The following STKLD1 variants were observed in gnomAD, a reference collection of about 807,000 sequenced individuals.
STKLD1 encodes serine/threonine kinase-like domain-containing protein STKLD1.
STKLD1 carries 79 observed loss-of-function variants against 80.4 expected under a neutral mutation model. The ratio of observed to expected loss-of-function variants is 0.98; its 90% CI spans 0.82 to 1.19. STKLD1 has a LOEUF of 1.19. Among genes scored for constraint, STKLD1 ranks in the 50% most tolerant of loss-of-function variants. The pLI is 0.00. For synonymous variants in STKLD1, 393 were observed against 357.6 expected (o/e 1.10, Z -1.12); for missense variants, 841 against 856.0 (o/e 0.98, Z 0.22).
At chr9:133,383,620 GGTA>G (rs1159597006) in intron 2 of STKLD1, among the ~76,000 whole-genome samples, 13 of 63,390 alleles carry the variant, frequency 2.1e-4, no homozygotes, top group Admixed American at 2.0e-3. Context: ...TGGTGGTAAT[GGTA>G]GTGGTGGTGG....
chr9:133,402,534 C>G (rs961596612), intron 13 of STKLD1, among the ~76,000 whole-genome samples: 5 of 152,242 alleles, frequency 3.3e-5, no homozygotes, highest in African/African-American at 1.2e-4. Flanking sequence ...TCAGTTCATC[C>G]TACCGGGATA....
intron 7 of STKLD1, among the ~76,000 whole-genome samples, chr9:133,393,028 G>A (rs944320551): frequency 5.4e-5 from 7 of 130,052 alleles, no homozygotes; most frequent in Admixed American, 3.9e-4. Flanking sequence ...GGGTGTATGG[G>A]CAGATGGGTG....
At chr9:133,382,950 TTGATGGTGTGATGGTGG>T (rs1263175309) in intron 2 of STKLD1, among the ~76,000 whole-genome samples, 1,774 of 148,306 alleles carry the variant, frequency 0.012, 26 homozygotes, top group African/African-American at 0.034. Context: ...GACAGTGGTG[TTGATGGTGTGATGGTGG>T]TGATGGTGTG....
Position 133,397,238 on chromosome 9 carries a change from T to A in STKLD1, c.941T>A (p.Met314Lys), listed in dbSNP as rs901747111. Residue 314 changes from methionine to lysine, a missense_variant, in exon 10 of 18, where the codon ATG (methionine) becomes AAG (lysine). Met to Lys is a moderately conservative substitution (Grantham distance 95). Coordinates refer to ENST00000371957, the MANE Select transcript of STKLD1 (RefSeq NM_153710.5). ...SCVSLTLHRQ[M>K]VPASITDMLL... ...GTCTCTCTGACCCTGCACCGGCAGA[T>A]GGTGCCTGCGTCCATCACCGACATG... 2 of 1,613,926 alleles carry A rather than the reference T, an allele frequency of 1.2e-6. No homozygotes were observed. The highest frequency in any genetic ancestry group is 4.5e-5 in the East Asian group (2 of 44,876).
chr9:133,378,107 G>C (rs1006320532), intron 1 of STKLD1, among the ~76,000 whole-genome samples: 2 of 152,182 alleles, frequency 1.3e-5, no homozygotes, highest in African/African-American at 4.8e-5. Context: ...ATGAAGCTTT[G>C]CTCCACTGCC....
Position 133,403,784 on chromosome 9 carries a change from T to C in STKLD1, c.1559T>C (p.Met520Thr), listed in dbSNP as rs146698200. ...VLATYPADGE[M>T]AEASCGVFWL... ...GCCACCTACCCTGCGGATGGGGAAA[T>C]GGCAGAAGCCAGCTGCGGAGTCTTC... Residue 520 changes from methionine to threonine, a missense_variant, in exon 15 of 18, where the codon ATG becomes ACG. Coordinates refer to ENST00000371957, the MANE Select transcript of STKLD1 (RefSeq NM_153710.5). The C allele has an allele frequency of 1.4e-5, 22 of 1,613,678 alleles. No homozygotes were observed. Among genetic ancestry groups the C allele is most frequent in the South Asian group, 2.2e-5 (2 of 91,082 alleles).
At chr9:133,383,634 TGTG>T (rs1223701645) in intron 2 of STKLD1, among the ~76,000 whole-genome samples, 9 of 70,660 alleles carry the variant, frequency 1.3e-4, no homozygotes, top group Non-Finnish European at 2.2e-4. Flanking sequence ...GTGGTGGTGG[TGTG>T]ATGATGGTGA....
intron 15 of STKLD1, 43 bp downstream of exon 15, chr9:133,403,871 T>C: frequency 6.2e-7 from 1 of 1,610,940 alleles, no homozygotes; most frequent in East Asian, 2.2e-5. Flanking sequence ...CTGGGAGGGG[T>C]GGGCCTCATG....
chr9:133,395,915 G>A (rs1467967719), intron 9 of STKLD1, 152 bp downstream of exon 9: 2 of 791,878 alleles, frequency 2.5e-6, no homozygotes, highest in East Asian at 5.4e-5. Context: ...GCTTTGCCCA[G>A]TTCTGGCTCT....
chr9:133,400,971 G>A (rs1018310554), intron 12 of STKLD1, among the ~76,000 whole-genome samples: 2 of 152,202 alleles, frequency 1.3e-5, no homozygotes, highest in African/African-American at 4.8e-5. Context: ...CCTCAGGGAG[G>A]ATGGGTTGTG....
In STKLD1 at chr9:133,400,610, C is replaced by T. The variant is rs1838678097; in HGVS notation, c.1198+81C>T. The T allele has an allele frequency of 3.3e-6, 4 of 1,197,854 alleles. No individual in the cohort carries two copies. The Admixed American group carries it at 5.1e-5, about 15-fold the overall frequency. 74.2% of individuals were successfully genotyped at this position (1,197,854 alleles called of 1,614,324 possible). A position where few individuals can be genotyped will look rare whatever the true frequency, so the allele number is the denominator to read the frequency against. Reference sequence around the variant, plus strand: ...GCTGTGCCTCCTGGGCCAAGGTGGGCACCGGGCCGGGTGGGTTAGGGGAAG... The same window carrying T: ...GCTGTGCCTCCTGGGCCAAGGTGGGTACCGGGCCGGGTGGGTTAGGGGAAG... On this transcript the variant is annotated intron_variant, in intron 12 of 17. Coordinates refer to ENST00000371957, the MANE Select transcript of STKLD1 (RefSeq NM_153710.5).
At chr9:133,382,587 G>A (rs1328611895) in intron 2 of STKLD1, among the ~76,000 whole-genome samples, 1 of 151,462 alleles carries the variant, frequency 6.6e-6, no homozygotes, top group Non-Finnish European at 1.5e-5. Flanking sequence ...TCATGGTGAT[G>A]GTGTGATGAT....
In STKLD1 at chr9:133,376,485, A is replaced by G. The variant is rs972338226; in HGVS notation, c.12A>G (p.Pro4=). 7 of 1,592,794 alleles carry G rather than the reference A, an allele frequency of 4.4e-6. No homozygotes were observed. The Admixed American group carries it at 5.3e-5, about 12-fold the overall frequency. ...GGTCGCTACTGATCATGCTTGGGCCAGGGTCCAATCGCAGGCGCCCCACGC... is the reference window on the plus strand; with the variant it reads ...GGTCGCTACTGATCATGCTTGGGCCGGGGTCCAATCGCAGGCGCCCCACGC... The part of the protein sequence containing the change: MLG[P]GSNRRRPTQG... Residue 4 remains proline (P), a synonymous_variant, in exon 1 of 18, where the codon CCA becomes CCG. Coordinates refer to ENST00000371957, the MANE Select transcript of STKLD1 (RefSeq NM_153710.5).
chr9:133,383,287 T>TTG, intron 2 of STKLD1, among the ~76,000 whole-genome samples: 1 of 54,854 alleles, frequency 1.8e-5, no homozygotes, highest in African/African-American at 8.5e-5. Context: ...GGTGGTGGTG[T>TTG]GATGATGTGA....
At chr9:133,401,622 C>A in intron 12 of STKLD1, 116 bp from the exon 13 acceptor site, 4 of 1,319,420 alleles carry the variant, frequency 3.0e-6, no homozygotes, top group Non-Finnish European at 3.1e-6. Context: ...CAAGGCAGAC[C>A]TCGGTTTCCT....
chr9:133,398,099 G>A lies in STKLD1; in HGVS notation c.1081+44G>A, dbSNP rs1206270783. 5 of 1,586,832 alleles carry A rather than the reference G, an allele frequency of 3.2e-6. No individual in the cohort carries two copies. In the African/African-American group the frequency reaches 4.0e-5, roughly 13 times the overall value. On this transcript the variant is annotated intron_variant, in intron 11 of 17. Transcript: ENST00000371957. ...CCCTTTCCCAGCTGCTCCCCTAGGG[G>A]CAGAAGCTATGGTCCGGCCTGTGGG...
chr9:133,378,592 G>A (rs1437488723), intron 1 of STKLD1, among the ~76,000 whole-genome samples: 1 of 152,282 alleles, frequency 6.6e-6, no homozygotes, highest in South Asian at 2.1e-4. Flanking sequence ...GGGTGGCTGT[G>A]AAGTGCTTGG....
chr9:133,387,849 G>A (rs2130281034), intron 5 of STKLD1: 1 of 520,640 alleles, frequency 1.9e-6, no homozygotes, highest in East Asian at 5.0e-5. Flanking sequence ...TCCTGTAAAT[G>A]GACTCGTCCG....
intron 2 of STKLD1, among the ~76,000 whole-genome samples, chr9:133,383,175 ATGATGGTGATGATGGTG>A (rs1838181243): frequency 7.0e-6 from 1 of 143,574 alleles, no homozygotes; most frequent in Non-Finnish European, 1.5e-5. Context: ...TGATTGTGTG[ATGATGGTGATGATGGTG>A]TGATGGTGAT....
Sources: gnomAD v4.1 joint callset for allele counts (sites outside exome capture counted in the v4.1 genomes callset) on GRCh38, gnomAD v4.1.1 for gene constraint, MANE v1.5 for transcripts, NCBI Gene and HGNC (gene_info 2026-07-23, HGNC 2026-07-21) for gene names.